IL31RA: variants seen among roughly 807,000 people sequenced by gnomAD.
The protein encoded by IL31RA is interleukin-31 receptor subunit alpha.
In IL31RA, 66 loss-of-function variants were observed where a neutral mutation model predicts 83.7. That is an observed-to-expected ratio of 0.79 (90% CI 0.65 to 0.97). The LOEUF (loss-of-function observed/expected upper bound fraction) is 0.97, where lower values mean the gene tolerates loss of function less well. IL31RA is among the 50% of genes least tolerant of loss of function. IL31RA has a pLI of 0.00. For synonymous variants in IL31RA, 325 were observed against 329.0 expected, an observed-to-expected ratio of 0.99 and a Z score of 0.13; for missense variants, 798 against 919.4, an observed-to-expected ratio of 0.87 and a Z score of 1.71.
At chr5:55,843,142 AT>A in the IL31RA span, among the ~76,000 whole-genome samples, 1 of 152,270 alleles carries the variant, frequency 6.6e-6, no homozygotes, top group Non-Finnish European at 1.5e-5. Context: ...TGCAGTTAGG[AT>A]TTCCAAATTA....
At chr5:55,854,907 G>C (rs898867731) in intron 1 of IL31RA, among the ~76,000 whole-genome samples, 5 of 152,014 alleles carry the variant, frequency 3.3e-5, no homozygotes, top group African/African-American at 1.2e-4. Context: ...TTATTACTGC[G>C]ACTATTATCA....
At position 55,916,656 on chromosome 5, in the gene IL31RA, C is replaced by T. The variant is rs377463282; in HGVS notation, c.1831C>T (p.Leu611=). 6.2e-7 allele frequency: 1 copy of T among 1,613,828 alleles called. No individual in the cohort carries two copies. The highest frequency in any genetic ancestry group is 8.5e-7 in the Non-Finnish European group (1 of 1,179,878). The change falls in exon 15 of 15, where the codon CTG becomes TTG. Residue 611 remains leucine (L), a synonymous_variant. Transcript: ENST00000652347. ...TTTTCTTTTCCAGGATAAGCTAAAC[C>T]TGAAGGAGTCTGATGACTCTGTGAA... ...HGDDFKDKLN[L]KESDDSVNTE...
rs781609212 is a variant in IL31RA at position 55,914,883 on chromosome 5, C to T, written c.1773C>T (p.Asn591=). ...ATCTGTGTTGGCCCACCGTTCCCAA[C>T]CCTGCTGAAAGTAGTATAGCCACAT... is the stretch of plus-strand genomic sequence containing the variant. ...LTHLCWPTVP[N]PAESSIATWH... The change falls in exon 14 of 15, where the codon AAC becomes AAT. Residue 591 remains asparagine, a synonymous_variant. Transcript: ENST00000652347. The T allele has an allele frequency of 3.7e-6, 6 of 1,613,638 alleles. No individual in the cohort carries two copies. The highest frequency in any genetic ancestry group is 5.1e-6 in the Non-Finnish European group (6 of 1,179,624).
chr5:55,898,530 G>A (rs927534981), intron 7 of IL31RA, among the ~76,000 whole-genome samples: 2 of 150,206 alleles, frequency 1.3e-5, no homozygotes, highest in African/African-American at 2.5e-5. Flanking sequence ...TAAAAAGAAT[G>A]TTATTTAAAA....
At chr5:55,893,031 C>A (rs1310466452) in intron 6 of IL31RA, among the ~76,000 whole-genome samples, 1 of 152,182 alleles carries the variant, frequency 6.6e-6, no homozygotes, top group Admixed American at 6.5e-5. Flanking sequence ...TTAATGCGTA[C>A]CACTTCAAAC....
At chr5:55,857,393 C>T (rs1276637664) in intron 1 of IL31RA, among the ~76,000 whole-genome samples, 3 of 152,126 alleles carry the variant, frequency 2.0e-5, no homozygotes, top group Non-Finnish European at 4.4e-5. Flanking sequence ...TGAGCCACTG[C>T]GCCCAGCCTT....
At chr5:55,861,046 C>T (rs1047140069) in intron 2 of IL31RA, among the ~76,000 whole-genome samples, 3 of 152,200 alleles carry the variant, frequency 2.0e-5, no homozygotes, top group Admixed American at 6.5e-5. Context: ...CCCATTTTAA[C>T]TTAATTACCT....
rs1203979487 is a variant in IL31RA at position 55,922,780 on chromosome 5, T to C, written c.*5660T>C. ...GTAATACTATACTTCTATACTATTTTCATGTAATACTATACTTCTATACTA... is the reference window on the plus strand; with the variant it reads ...GTAATACTATACTTCTATACTATTTCCATGTAATACTATACTTCTATACTA... On this transcript the variant is annotated 3_prime_UTR_variant, in exon 15 of 15. Transcript: ENST00000652347. 4.1e-6 allele frequency: 1 copy of C among 246,724 alleles called. No homozygotes were observed. The highest frequency in any genetic ancestry group is 7.8e-6 in the Non-Finnish European group (1 of 128,938). The allele number at this position is 246,724 out of a possible 1,614,324, so 15.3% of individuals were successfully genotyped here.
At chr5:55,898,917 G>C (rs796669993) in intron 7 of IL31RA, among the ~76,000 whole-genome samples, 1 of 152,044 alleles carries the variant, frequency 6.6e-6, no homozygotes, top group East Asian at 1.9e-4. Flanking sequence ...CCAGCTACTC[G>C]GGAGGCTGAG....
At position 55,922,061 on chromosome 5, in the gene IL31RA, G is replaced by A. The variant is rs111278807; in HGVS notation, c.*4941G>A. Among the ~76,000 whole-genome samples, 7 of 133,786 alleles carry A rather than the reference G, an allele frequency of 5.2e-5. 2 individuals are homozygous for A. The Middle Eastern group carries it at 0.024, about 461-fold the overall frequency. 87.8% of individuals were successfully genotyped at this position (133,786 alleles called of 152,430 possible). On this transcript the variant is annotated 3_prime_UTR_variant, in exon 15 of 15. Transcript: ENST00000652347. ...TGCACTCTTATGTTGTGGCGGGGGG[G>A]GGGGGCGGTTCCTGAAGAGTGGAGT...
Position 55,920,604 on chromosome 5 carries a change from C to T in IL31RA, c.*3484C>T, listed in dbSNP as rs904879716. On this transcript the variant is annotated 3_prime_UTR_variant, in exon 15 of 15. Coordinates refer to ENST00000652347, the MANE Select transcript of IL31RA (RefSeq NM_139017.7). ...TCCCACAAAGCAGAAAACGTTTACT[C>T]TCTGACCCTTTGCAGAAAAAATTTG... 4.6e-5 allele frequency among the ~76,000 whole-genome samples: 7 copies of T among 152,200 alleles called. No homozygotes were observed. The highest frequency in any genetic ancestry group is 8.8e-5 in the Non-Finnish European group (6 of 68,024).
chr5:55,905,931 G>A (rs947384667), intron 8 of IL31RA, among the ~76,000 whole-genome samples, 175 bp from the exon 9 acceptor site: 3 of 151,670 alleles, frequency 2.0e-5, no homozygotes, highest in South Asian at 2.1e-4. Context: ...AAGGTGTTGT[G>A]TAAGGAAAAA....
At chr5:55,907,229 A>AT in intron 9 of IL31RA, 130 bp from the exon 10 acceptor site, 1 of 674,628 alleles carries the variant, frequency 1.5e-6, no homozygotes, top group Middle Eastern at 2.6e-4. Context: ...TAACCTGTTT[A>AT]TTTTCCAGAG....
In IL31RA at chr5:55,903,892, C is replaced by T. The variant is rs943960021; in HGVS notation, c.1070-2214C>T. On this transcript the variant is annotated intron_variant, in intron 8 of 14. Coordinates refer to ENST00000652347, the MANE Select transcript of IL31RA (RefSeq NM_139017.7). The surrounding 1 kb of genome is among the most constrained non-coding windows in gnomAD (Gnocchi z 4.7). Reference sequence around the variant, plus strand: ...TCTCATGGTCCTGGAGGCCAGAAGTCCCACATCAAGGTGCTGGTTGGCCAT... The same window carrying T: ...TCTCATGGTCCTGGAGGCCAGAAGTTCCACATCAAGGTGCTGGTTGGCCAT... 7.9e-5 allele frequency among the ~76,000 whole-genome samples: 12 copies of T among 152,178 alleles called. No homozygotes were observed. Among genetic ancestry groups the T allele is most frequent in the Admixed American group, 2.6e-4 (4 of 15,276 alleles).
intron 6 of IL31RA, among the ~76,000 whole-genome samples, chr5:55,893,424 C>T (rs1023648025): frequency 2.0e-5 from 3 of 152,226 alleles, no homozygotes; most frequent in African/African-American, 7.2e-5. Context: ...TGGGGATGCC[C>T]ATACTGTCAT....
intron 4 of IL31RA, among the ~76,000 whole-genome samples, chr5:55,872,829 C>T (rs527250935): frequency 1.5e-5 from 2 of 131,936 alleles, no homozygotes; most frequent in African/African-American, 6.4e-5. Flanking sequence ...TTTTAAAATG[C>T]CTCACCACTT....
chr5:55,899,919 G>A lies in IL31RA; in HGVS notation c.856G>A (p.Ala286Thr). The change falls in exon 8 of 15, where the codon GCA becomes ACA. Residue 286 changes from alanine to threonine, a missense_variant. By Grantham distance (58) the Ala-to-Thr change is moderately conservative (BLOSUM62 0). Transcript: ENST00000652347. ...RRPVRLLWKKARGAPVLEKTL... is the reference protein window; with the variant it reads ...RRPVRLLWKKTRGAPVLEKTL... The stretch of plus-strand genomic sequence containing the variant: ...ATTTTGTTTTCTTTGGGTTCAGAAG[G>A]CAAGAGGAGCCCCAGTCCTAGAGAA... The A allele has an allele frequency of 6.2e-7, 1 of 1,613,570 alleles. No individual in the cohort carries two copies.
chr5:55,858,613 A>G (rs1439642023), intron 1 of IL31RA, among the ~76,000 whole-genome samples: 1 of 152,160 alleles, frequency 6.6e-6, no homozygotes, highest in African/African-American at 2.4e-5. Context: ...CTTATTTTGT[A>G]AAGAACCCTT....
intron 5 of IL31RA, among the ~76,000 whole-genome samples, chr5:55,885,589 C>T (rs999632681): frequency 1.3e-5 from 2 of 152,102 alleles, no homozygotes; most frequent in Non-Finnish European, 2.9e-5. Context: ...TGTCGACATG[C>T]GCGGACAAGA....
Sources: gnomAD v4.1 joint callset for allele counts (sites outside exome capture counted in the v4.1 genomes callset) on GRCh38, gnomAD v4.1.1 for gene constraint, Gnocchi (gnomAD v3.1) non-coding constraint, MANE v1.5 for transcripts, NCBI Gene and HGNC (gene_info 2026-07-23, HGNC 2026-07-21) for gene names.